KCNMA1: variants seen among roughly 807,000 people sequenced by gnomAD.
KCNMA1 encodes potassium calcium-activated channel subfamily M alpha 1.
Under a neutral mutation model 140.0 loss-of-function variants are expected in KCNMA1, and 29 were observed. The ratio of observed to expected loss-of-function variants is 0.21; its 90% CI spans 0.15 to 0.28. The LOEUF is 0.28. Among genes scored for constraint, KCNMA1 ranks in the 10% least tolerant of loss-of-function variants. The pLI is 1.00. For synonymous variants in KCNMA1, 612 were observed against 611.9 expected (o/e 1.00, Z 0.00); for missense variants, 880 against 1,602.2 (o/e 0.55, Z 7.70).
intron 14 of KCNMA1, among the ~76,000 whole-genome samples, chr10:77,044,849 T>G (rs985051810): frequency 5.9e-5 from 9 of 152,170 alleles, no homozygotes; most frequent in Non-Finnish European, 1.2e-4. Context: ...TTCACACTCT[T>G]AACCACCCAC....
intron 5 of KCNMA1, among the ~76,000 whole-genome samples, chr10:77,142,767 G>A (rs768147178): frequency 3.9e-5 from 6 of 152,184 alleles, no homozygotes; most frequent in Non-Finnish European, 7.3e-5. Context: ...CAAACACTAA[G>A]AGGATAATTT....
At chr10:76,955,788 G>A (rs1411228218) in intron 20 of KCNMA1, among the ~76,000 whole-genome samples, 1 of 152,150 alleles carries the variant, frequency 6.6e-6, no homozygotes, top group Admixed American at 6.5e-5. Flanking sequence ...AATATTATCT[G>A]GAATAGGTAG....
chr10:77,604,063 A>G (rs1434714554), intron 1 of KCNMA1, among the ~76,000 whole-genome samples: 1 of 152,258 alleles, frequency 6.6e-6, no homozygotes, highest in Non-Finnish European at 1.5e-5. Context: ...AGCCACTGGC[A>G]TCTGAGGCTG....
intron 1 of KCNMA1, among the ~76,000 whole-genome samples, chr10:77,421,714 C>T (rs368171493): frequency 2.0e-5 from 3 of 152,182 alleles, no homozygotes; most frequent in African/African-American, 4.8e-5. Context: ...ATGGGCCATA[C>T]AAAAACAGAT....
chr10:77,356,578 C>G (rs1055219236), intron 2 of KCNMA1, among the ~76,000 whole-genome samples: 1 of 152,198 alleles, frequency 6.6e-6, no homozygotes, highest in African/African-American at 2.4e-5. Context: ...AACTGAGGTA[C>G]CTTGCAGGAA....
intron 3 of KCNMA1, among the ~76,000 whole-genome samples, chr10:77,188,281 GAA>G (rs76979989): frequency 6.2e-5 from 9 of 144,952 alleles, no homozygotes; most frequent in African/African-American, 2.0e-4. Flanking sequence ...TTGCCAACAG[GAA>G]AAAAAAAAAA....
At chr10:77,401,759 G>A (rs2096275119) in intron 2 of KCNMA1, among the ~76,000 whole-genome samples, 1 of 152,170 alleles carries the variant, frequency 6.6e-6, no homozygotes, top group African/African-American at 2.4e-5. Context: ...CCATAAAGCA[G>A]CTCATCTTGA....
chr10:77,574,128 A>C (rs1036536722), intron 1 of KCNMA1, among the ~76,000 whole-genome samples: 4 of 152,038 alleles, frequency 2.6e-5, no homozygotes, highest in African/African-American at 9.7e-5. Context: ...GAGCCACTGT[A>C]CCCAGACCTA....
At position 77,486,740 on chromosome 10, in the gene KCNMA1, T is replaced by C. The variant is rs891328735; in HGVS notation, c.379-82717A>G. On this transcript the variant is annotated intron_variant, in intron 1 of 27. Coordinates refer to ENST00000286628, the MANE Select transcript of KCNMA1 (RefSeq NM_001161352.2). ...GAGAAAGTCACAGGGAAGCCAGCCC[T>C]GGCCCCGGGCAAAGCCCAAGGGTTT... Among the ~76,000 whole-genome samples the C allele has an allele frequency of 6.6e-5, 10 of 152,236 alleles. No individual in the cohort carries two copies. The South Asian group carries it at 1.4e-3, about 22-fold the overall frequency.
intron 1 of KCNMA1, among the ~76,000 whole-genome samples, chr10:77,623,015 A>G (rs1273050879): frequency 6.6e-6 from 1 of 152,262 alleles, no homozygotes; most frequent in African/African-American, 2.4e-5. Context: ...GAGATGAGGA[A>G]GAAAGAACAG....
chr10:77,540,697 T>G (rs768778993), intron 1 of KCNMA1, among the ~76,000 whole-genome samples: 2 of 152,210 alleles, frequency 1.3e-5, no homozygotes, highest in Non-Finnish European at 2.9e-5. Context: ...TCTCAAAAAT[T>G]TAAGAGTAAT....
intron 9 of KCNMA1, among the ~76,000 whole-genome samples, chr10:77,093,504 T>C (rs1343826563): frequency 6.6e-6 from 1 of 152,202 alleles, no homozygotes; most frequent in Non-Finnish European, 1.5e-5. Context: ...TTAGAATTGA[T>C]GGATGGGGAG....
chr10:77,213,603 G>A (rs1318027729), intron 3 of KCNMA1, among the ~76,000 whole-genome samples: 1 of 152,060 alleles, frequency 6.6e-6, no homozygotes, highest in Non-Finnish European at 1.5e-5. Flanking sequence ...TTATGGCCTG[G>A]GACATAGCTC....
At chr10:77,221,846 A>G in intron 3 of KCNMA1, among the ~76,000 whole-genome samples, 1 of 152,114 alleles carries the variant, frequency 6.6e-6, no homozygotes, top group Non-Finnish European at 1.5e-5. Context: ...CCACCTAAAC[A>G]CTGCATCACA....
chr10:77,140,875 G>A (rs2098150884), intron 5 of KCNMA1: 1 of 152,164 alleles, frequency 6.6e-6, no homozygotes, highest in Non-Finnish European at 1.5e-5. Flanking sequence ...ATGGTTTAGG[G>A]GGATAGAAAG....
chr10:77,293,492 G>T (rs2074004819), intron 2 of KCNMA1, among the ~76,000 whole-genome samples: 1 of 152,166 alleles, frequency 6.6e-6, no homozygotes, highest in Non-Finnish European at 1.5e-5. Flanking sequence ...TGACTCTAAG[G>T]GGCATTGTGG....
intron 1 of KCNMA1, among the ~76,000 whole-genome samples, chr10:77,419,399 G>T (rs1603544187): frequency 6.6e-6 from 1 of 152,128 alleles, no homozygotes; most frequent in Admixed American, 6.5e-5. Context: ...CCGGAAGAAA[G>T]GTCAGGTGGT....
chr10:77,357,933 G>A (rs1473320772), intron 2 of KCNMA1, among the ~76,000 whole-genome samples: 1 of 152,148 alleles, frequency 6.6e-6, no homozygotes, highest in Non-Finnish European at 1.5e-5. Flanking sequence ...GTGGACTGGG[G>A]GTCTCGGGAA....
chr10:77,516,676 T>C (rs911578242), intron 1 of KCNMA1, among the ~76,000 whole-genome samples: 1 of 152,224 alleles, frequency 6.6e-6, no homozygotes, highest in Non-Finnish European at 1.5e-5. Flanking sequence ...CTTTGCACGG[T>C]GGGCAGAGCA....
Sources: allele counts gnomAD v4.1 joint callset (sites outside exome capture counted in the v4.1 genomes callset), GRCh38; gene constraint gnomAD v4.1.1; transcripts MANE v1.5; gene names NCBI Gene and HGNC (gene_info 2026-07-23, HGNC 2026-07-21).